SOX6: variants seen among roughly 807,000 people sequenced by gnomAD.
SOX6 encodes the protein transcription factor SOX-6.
A neutral mutation model predicts 97.8 loss-of-function variants in SOX6; 11 were observed. The observed-to-expected ratio is 0.11, with a 90% CI of 0.07 to 0.19. The LOEUF (loss-of-function observed/expected upper bound fraction) is 0.19, where lower values mean the gene tolerates loss of function less well. Among genes scored for constraint, SOX6 ranks in the 10% least tolerant of loss-of-function variants. The pLI is 1.00. For missense variants in SOX6, 810 were observed against 1,039.5 expected (o/e 0.78, Z 3.04); for synonymous variants, 360 against 371.4 (o/e 0.97, Z 0.35).
At chr11:16,565,382 T>C (rs1034530119) in intron 4 of SOX6, among the ~76,000 whole-genome samples, 1 of 152,078 alleles carries the variant, frequency 6.6e-6, no homozygotes, top group Admixed American at 6.5e-5. Context: ...TTAACACCAA[T>C]TCTACGCAAT....
chr11:16,525,943 C>G (rs1358442812), intron 4 of SOX6, among the ~76,000 whole-genome samples: 1 of 152,172 alleles, frequency 6.6e-6, no homozygotes, highest in Non-Finnish European at 1.5e-5. Context: ...GATACCATCT[C>G]ACACCAGTTA....
chr11:16,520,496 A>G (rs1400538924), intron 4 of SOX6, among the ~76,000 whole-genome samples: 2 of 152,208 alleles, frequency 1.3e-5, no homozygotes, highest in African/African-American at 4.8e-5. Flanking sequence ...CCTTGGGCCG[A>G]GCCAAGATGG....
chr11:16,712,568 A>G (rs1848189912), intron 3 of SOX6, among the ~76,000 whole-genome samples: 1 of 152,124 alleles, frequency 6.6e-6, no homozygotes, highest in African/African-American at 2.4e-5. Context: ...TTGTCTATTC[A>G]TGTCCTTAGT....
At chr11:15,999,046 T>A (rs902417676) in intron 13 of SOX6, among the ~76,000 whole-genome samples, 1 of 152,072 alleles carries the variant, frequency 6.6e-6, no homozygotes, top group Non-Finnish European at 1.5e-5. Flanking sequence ...ATCTAGGATA[T>A]ATAAAGAATG....
upstream of SOX6, among the ~76,000 whole-genome samples, chr11:16,476,965 C>T (rs1860263180): frequency 6.6e-6 from 1 of 152,186 alleles, no homozygotes; most frequent in African/African-American, 2.4e-5. Context: ...AGATGCAACT[C>T]AAACACACAG....
At chr11:16,641,042 C>T (rs1196936466) in intron 3 of SOX6, among the ~76,000 whole-genome samples, 1 of 152,148 alleles carries the variant, frequency 6.6e-6, no homozygotes, top group Non-Finnish European at 1.5e-5. Context: ...CTCTTGTGGG[C>T]ATTTAGTGCT....
chr11:16,521,476 T>A (rs894439704), intron 4 of SOX6, among the ~76,000 whole-genome samples: 2 of 151,936 alleles, frequency 1.3e-5, no homozygotes, highest in African/African-American at 4.8e-5. Context: ...CAAAAACCCA[T>A]CTGTACATCA....
chr11:16,236,196 T>A (rs1258880560), intron 3 of SOX6, among the ~76,000 whole-genome samples: 1 of 152,066 alleles, frequency 6.6e-6, no homozygotes, highest in Non-Finnish European at 1.5e-5. Context: ...GGATTCTGAG[T>A]GATGTTCCAA....
At chr11:16,224,573 C>T (rs1403759585) in intron 4 of SOX6, among the ~76,000 whole-genome samples, 1 of 151,724 alleles carries the variant, frequency 6.6e-6, no homozygotes, top group African/African-American at 2.4e-5. Context: ...ACACAGACTT[C>T]AAAAGAAGTA....
chr11:16,523,892 A>G lies in SOX6; in HGVS notation n.610-47504T>C, dbSNP rs553725357. 2.0e-5 allele frequency among the ~76,000 whole-genome samples: 3 copies of G among 152,356 alleles called. No individual in the cohort carries two copies. In the East Asian group the frequency reaches 5.8e-4, roughly 29 times the overall value. On this transcript the variant is annotated intron_variant and non_coding_transcript_variant, in intron 4 of 5. Coordinates refer to the SOX6 transcript ENST00000524520. ...AAACTAGAAAATCTAGAAGAAATGG[A>G]TAAATTCCTCAACACATACACCCTC...
intron 1 of SOX6, chr11:16,397,617 G>T (rs1455746395): frequency 1.3e-5 from 2 of 151,800 alleles, no homozygotes; most frequent in Admixed American, 6.6e-5. Context: ...TAGCATTACA[G>T]CAGTCTGCCC....
At position 16,567,561 on chromosome 11, in the gene SOX6, CTT is replaced by C. The variant is rs59320140; in HGVS notation, n.609+44518_609+44519del. On this transcript the variant is annotated intron_variant and non_coding_transcript_variant, in intron 4 of 5. Coordinates refer to the SOX6 transcript ENST00000524520. ...TATTAATGGTATGTCATATTTTTTT[CTT>C]TTTTTTTTTTTTTTTTTTTTTTTGA... Among the ~76,000 whole-genome samples the C allele has an allele frequency of 5.3e-3, 458 of 87,180 alleles. 1 individual carries two copies. The highest frequency in any genetic ancestry group is 0.015 in the African/African-American group (376 of 24,534). The allele number at this position is 87,180 out of a possible 152,430, so 57.2% of individuals were successfully genotyped here.
chr11:16,122,235 A>C (rs1312464916), intron 6 of SOX6, among the ~76,000 whole-genome samples: 1 of 152,058 alleles, frequency 6.6e-6, no homozygotes, highest in African/African-American at 2.4e-5. Flanking sequence ...AAATAGTCAC[A>C]GTTAGTGGTC....
intron 4 of SOX6, among the ~76,000 whole-genome samples, chr11:16,233,737 C>T (rs186430418): frequency 8.5e-5 from 13 of 152,140 alleles, no homozygotes; most frequent in Non-Finnish European, 1.2e-4. Flanking sequence ...AGGCCCGGTG[C>T]GGTGACTCAC....
At chr11:16,172,571 TA>T (rs1851067551) in intron 6 of SOX6, among the ~76,000 whole-genome samples, 1 of 152,038 alleles carries the variant, frequency 6.6e-6, no homozygotes, top group African/African-American at 2.4e-5. Context: ...AACATCCTCC[TA>T]AGAGGACACG....
intron 6 of SOX6, among the ~76,000 whole-genome samples, chr11:16,147,358 G>A (rs933030064): frequency 4.6e-5 from 7 of 152,088 alleles, no homozygotes; most frequent in Non-Finnish European, 7.4e-5. Flanking sequence ...GTTGTGGGGT[G>A]GGGGAGGAGG....
At chr11:16,666,308 A>G (rs965885556) in intron 3 of SOX6, among the ~76,000 whole-genome samples, 6 of 152,266 alleles carry the variant, frequency 3.9e-5, no homozygotes, top group African/African-American at 1.2e-4. Flanking sequence ...AGGAAACTCA[A>G]TAAAATTCAA....
intron 1 of SOX6, among the ~76,000 whole-genome samples, chr11:16,442,574 G>A (rs1259046514): frequency 6.6e-6 from 1 of 151,998 alleles, no homozygotes; most frequent in Non-Finnish European, 1.5e-5. Flanking sequence ...ATATTTATGT[G>A]CATATCTACT....
chr11:16,358,264 G>A (rs943003037), upstream of SOX6, among the ~76,000 whole-genome samples: 1 of 152,062 alleles, frequency 6.6e-6, no homozygotes, highest in Non-Finnish European at 1.5e-5. Context: ...CTATAACTAG[G>A]AGACATCCTT....
Sources: allele counts gnomAD v4.1 joint callset (sites outside exome capture counted in the v4.1 genomes callset), GRCh38; gene constraint gnomAD v4.1.1; transcripts MANE v1.5; gene names NCBI Gene and HGNC (gene_info 2026-07-23, HGNC 2026-07-21).